The following DIDO1 variants were observed in gnomAD, a reference collection of about 807,000 sequenced individuals.
DIDO1 encodes the protein death-inducer obliterator 1.
DIDO1 carries 16 observed loss-of-function variants against 99.4 expected under a neutral mutation model. The observed-to-expected ratio is 0.16, with a 90% CI of 0.11 to 0.24. The LOEUF (loss-of-function observed/expected upper bound fraction) is 0.24, where lower values mean the gene tolerates loss of function less well. Ranked by LOEUF, DIDO1 falls within the 10% of genes least tolerant of loss-of-function variation. DIDO1 has a pLI of 1.00. For synonymous variants in DIDO1, 1,366 were observed against 1,239.1 expected (o/e 1.10, Z -2.15); for missense variants, 2,996 against 3,014.0 (o/e 0.99, Z 0.14).
chr20:62,910,845 T>C lies in DIDO1; in HGVS notation c.768A>G (p.Arg256=), dbSNP rs569488155. 30 of 1,614,126 alleles carry C rather than the reference T, an allele frequency of 1.9e-5. No homozygotes were observed. The South Asian group carries it at 2.6e-4, about 14-fold the overall frequency. The stretch of plus-strand genomic sequence containing the variant: ...CGTAACCCTCACATTCAGGCTTCGG[T>C]CGGCCCAAGTCTCCAGGCTCCTCAT... ...IKDEEPGDLG[R]PKPECEGYDP... The change falls in exon 3 of 16, where the codon CGA becomes CGG. Residue 256 remains arginine, a synonymous_variant. Transcript: ENST00000395343.
upstream of DIDO1, chr20:62,928,960 G>A (rs1393508680): frequency 6.9e-6 from 1 of 144,584 alleles, no homozygotes; most frequent in Non-Finnish European, 1.5e-5. Flanking sequence ...GGAAAACTCA[G>A]CAATTCTTAA....
intron 6 of DIDO1, among the ~76,000 whole-genome samples, chr20:62,902,511 C>T (rs1342290977): frequency 1.3e-5 from 2 of 152,192 alleles, no homozygotes; most frequent in African/African-American, 4.8e-5. Flanking sequence ...AAGCCACCCT[C>T]CTCTCCCGGC....
At chr20:62,898,483 T>C (rs2064587272) in intron 6 of DIDO1, among the ~76,000 whole-genome samples, 1 of 152,238 alleles carries the variant, frequency 6.6e-6, no homozygotes, top group South Asian at 2.1e-4. Context: ...CAAACAATGG[T>C]GTCACTGTTA....
intron 15 of DIDO1, chr20:62,889,908 C>G (rs1340956059): frequency 2.0e-6 from 2 of 985,350 alleles, no homozygotes; most frequent in East Asian, 2.3e-4. Flanking sequence ...ACAACACAGG[C>G]ATAGGCTGAG....
intron 3 of DIDO1, 47 bp from the exon 4 acceptor site, chr20:62,910,067 G>A: frequency 6.4e-7 from 1 of 1,567,750 alleles, no homozygotes; most frequent in Non-Finnish European, 8.6e-7. Flanking sequence ...TGAGTGACAA[G>A]CACTTTTCAA....
At position 62,896,317 on chromosome 20, in the gene DIDO1, C is replaced by A; in HGVS notation, c.2130G>T (p.Met710Ile). Residue 710 changes from methionine (M) to isoleucine (I), a missense_variant, in exon 8 of 16, where the codon ATG (methionine) becomes ATT (isoleucine). Physicochemically the swap from Met to Ile is conservative, Grantham distance 10. Around this residue, in one of 5 missense-constraint regions of DIDO1, gnomAD observed 898 missense variants for 972.7 expected, o/e 0.92. Transcript: ENST00000395343. The surrounding 1 kb of genome is among the most constrained non-coding windows in gnomAD (Gnocchi z 4.4). ...GKIALHIEKEMFNLFQVTDNR... is the reference protein window; with the variant it reads ...GKIALHIEKEIFNLFQVTDNR... ...TATCTGTAACTTGAAACAAGTTAAA[C>A]ATCTCCTTCTCAATATGGAGGGCAA... 1 of 1,613,974 alleles carries A rather than the reference C, an allele frequency of 6.2e-7. No individual in the cohort carries two copies. Among genetic ancestry groups the A allele is most frequent in the Non-Finnish European group, 8.5e-7 (1 of 1,179,936 alleles).
In DIDO1 at chr20:62,881,084, C is replaced by T; in HGVS notation, c.4872G>A (p.Lys1624=). The T allele has an allele frequency of 6.2e-7, 1 of 1,601,990 alleles. No individual in the cohort carries two copies. The highest frequency in any genetic ancestry group is 2.2e-5 in the East Asian group (1 of 44,546). Residue 1624 remains lysine, a synonymous_variant, in exon 16 of 16, where the codon AAG becomes AAA. Coordinates refer to ENST00000395343, the MANE Select transcript of DIDO1 (RefSeq NM_001193369.2). The surrounding 1 kb of genome is among the most constrained non-coding windows in gnomAD (Gnocchi z 8.3). ...CGTCCTGCTCGGACCCCGCTGGGGG[C>T]TTTTCGCCCGAAGCCCAGGGGGAAG... ...PASSPWASGE[K]PPAGSEQDGW...
At chr20:62,907,703 T>C (rs118161139) in intron 4 of DIDO1, among the ~76,000 whole-genome samples, 2,137 of 152,350 alleles carry the variant, frequency 0.014, 31 homozygotes, top group Non-Finnish European at 0.023. Flanking sequence ...GCAGGGCTTC[T>C]TCAGATGTAA....
chr20:62,913,490 C>A (rs954198491), intron 2 of DIDO1, among the ~76,000 whole-genome samples: 2 of 152,202 alleles, frequency 1.3e-5, no homozygotes, highest in African/African-American at 4.8e-5. Flanking sequence ...ATGCTGCTTA[C>A]AAATATATAT....
rs75246609 is a variant in DIDO1, at chr20:62,923,535, C to T, written c.-200+2904G>A. 7.9e-3 allele frequency among the ~76,000 whole-genome samples: 1,197 copies of T among 152,300 alleles called. 23 individuals are homozygous for T. Among genetic ancestry groups the T allele is most frequent in the African/African-American group, 0.028 (1,160 of 41,560 alleles). ...AGCCGTGAGAAAAACTCCCTGGCACCTGAGTGAGAGCCGCAGACAAGCCGG... is the reference window on the plus strand; with the variant it reads ...AGCCGTGAGAAAAACTCCCTGGCACTTGAGTGAGAGCCGCAGACAAGCCGG... On this transcript the variant is annotated intron_variant, in intron 1 of 15. Coordinates refer to ENST00000395343, the MANE Select transcript of DIDO1 (RefSeq NM_001193369.2).
Position 62,905,612 on chromosome 20 carries a change from A to C in DIDO1, c.1588+275T>G, listed in dbSNP as rs1166267259. 1.9e-6 allele frequency: 3 copies of C among 1,552,366 alleles called. No individual in the cohort carries two copies. In the African/African-American group the frequency reaches 4.1e-5, roughly 21 times the overall value. On this transcript the variant is annotated intron_variant, in intron 6 of 15. Transcript: ENST00000395343. ...AATACTTACCAGAGCCTGAGAGTGA[A>C]AACAGAGATTAAAGAATCAATCATT...
chr20:62,937,583 G>T (rs2065405225), intron 1 of DIDO1, among the ~76,000 whole-genome samples: 1 of 152,216 alleles, frequency 6.6e-6, no homozygotes, highest in African/African-American at 2.4e-5. Context: ...AGTAAAGCGG[G>T]GGAACTCGCT....
In DIDO1 at chr20:62,881,518, C is replaced by G. The variant is rs778079210; in HGVS notation, c.4438G>C (p.Glu1480Gln). 2.7e-5 allele frequency: 44 copies of G among 1,611,268 alleles called. No individual in the cohort carries two copies. Among genetic ancestry groups the G allele is most frequent in the Non-Finnish European group, 3.6e-5 (42 of 1,180,028 alleles). ...TCCTCGATCTGTTTGTTCAGCTCTT[C>G]TAGCATCTTCTGTTGCTCCACCAGG... is the stretch of plus-strand genomic sequence containing the variant. ...PSLVEQQKML[E>Q]ELNKQIEEQK... Residue 1480 changes from glutamate to glutamine, a missense_variant, in exon 16 of 16, where the codon GAA becomes CAA. Glu to Gln is a conservative substitution (Grantham distance 29). Coordinates refer to ENST00000395343, the MANE Select transcript of DIDO1 (RefSeq NM_001193369.2). The surrounding 1 kb of genome is among the most constrained non-coding windows in gnomAD (Gnocchi z 8.3).
intron 6 of DIDO1, among the ~76,000 whole-genome samples, chr20:62,904,440 G>A (rs762617402): frequency 9.2e-5 from 14 of 152,188 alleles, no homozygotes; most frequent in African/African-American, 3.4e-4. Flanking sequence ...TGATCAAAAC[G>A]AGGGACATAT....
chr20:62,922,351 A>G (rs1051866610), intron 1 of DIDO1, among the ~76,000 whole-genome samples: 2 of 151,962 alleles, frequency 1.3e-5, no homozygotes, highest in African/African-American at 4.8e-5. Flanking sequence ...CAGGTTCAGC[A>G]TTCCCAGTCC....
At chr20:62,929,777 CTGA>C (rs1215440692), upstream of DIDO1, among the ~76,000 whole-genome samples, 3 of 135,696 alleles carry the variant, frequency 2.2e-5, no homozygotes, top group Non-Finnish European at 4.6e-5. Context: ...TTTTGAGAAA[CTGA>C]TGAATTTTCT....
chr20:62,910,694 TG>T (rs2064912674), intron 3 of DIDO1, 79 bp downstream of exon 3: 1 of 1,485,500 alleles, frequency 6.7e-7, no homozygotes, highest in Non-Finnish European at 9.2e-7. Flanking sequence ...AGCCCAGCTT[TG>T]TAACCCTTTA....
intron 1 of DIDO1, among the ~76,000 whole-genome samples, chr20:62,923,456 G>A (rs914949391): frequency 2.0e-5 from 3 of 152,088 alleles, no homozygotes; most frequent in East Asian, 1.9e-4. Context: ...TTCCAGGCAC[G>A]ACCCACCATG....
intron 1 of DIDO1, among the ~76,000 whole-genome samples, chr20:62,921,933 AATAT>A (rs973956074): frequency 1.3e-5 from 2 of 150,254 alleles, no homozygotes; most frequent in African/African-American, 4.9e-5. Flanking sequence ...ATATGTCCAA[AATAT>A]ATATACACTA....
Sources: allele counts gnomAD v4.1 joint callset (sites outside exome capture counted in the v4.1 genomes callset), GRCh38; gene constraint gnomAD v4.1.1; regional missense constraint gnomAD v4.1.1; non-coding constraint Gnocchi (gnomAD v3.1); transcripts MANE v1.5; gene names NCBI Gene and HGNC (gene_info 2026-07-23, HGNC 2026-07-21).